PRLR: variants seen among roughly 807,000 people sequenced by gnomAD.
The protein encoded by PRLR is hPRL receptor.
A neutral mutation model predicts 40.2 loss-of-function variants in PRLR; 13 were observed. The ratio of observed to expected loss-of-function variants is 0.32; its 90% confidence interval spans 0.21 to 0.51. The LOEUF is 0.51. Among genes scored for constraint, PRLR ranks in the 20% least tolerant of loss-of-function variants. The probability of loss-of-function intolerance (pLI) is 0.97; values close to 1 mark genes in which losing one functional copy is unlikely to be tolerated. For synonymous variants in PRLR, 269 were observed against 278.7 expected (o/e 0.97, Z 0.35); for missense variants, 656 against 747.3 (o/e 0.88, Z 1.42).
At position 35,058,688 on chromosome 5, in the gene PRLR, A is replaced by G. The variant is rs939004026; in HGVS notation, c.*6401T>C. On this transcript the variant is annotated 3_prime_UTR_variant, in exon 10 of 10. Coordinates refer to ENST00000618457, the MANE Select transcript of PRLR (RefSeq NM_000949.7). Reference sequence around the variant, plus strand: ...CATATGGATAAATTGTAAGTTATTAAGTAATGATTTTCATTTGTATTACAT... The same window carrying G: ...CATATGGATAAATTGTAAGTTATTAGGTAATGATTTTCATTTGTATTACAT... 4 of 152,236 alleles carry G rather than the reference A, an allele frequency of 2.6e-5. No individual in the cohort carries two copies. Among genetic ancestry groups the G allele is most frequent in the Non-Finnish European group, 4.4e-5 (3 of 68,036 alleles). 9.4% of individuals were successfully genotyped at this position (152,236 alleles called of 1,614,324 possible).
intron 2 of PRLR, among the ~76,000 whole-genome samples, chr5:35,094,921 T>A (rs1382967742): frequency 6.7e-6 from 1 of 148,828 alleles, no homozygotes; most frequent in Non-Finnish European, 1.5e-5. Context: ...TGGACCTCCC[T>A]GGGTCAGGTG....
chr5:35,071,511 T>A (rs1769743818), intron 6 of PRLR, among the ~76,000 whole-genome samples: 1 of 152,264 alleles, frequency 6.6e-6, no homozygotes, highest in Non-Finnish European at 1.5e-5. Context: ...AAAAGAGGCA[T>A]ATACTAAAGT....
intron 3 of PRLR, among the ~76,000 whole-genome samples, chr5:35,088,269 T>C (rs1378942771): frequency 3.3e-5 from 5 of 152,224 alleles, no homozygotes; most frequent in Non-Finnish European, 7.3e-5. Flanking sequence ...ATTTGTAACA[T>C]TGCTCATCCT....
intron 1 of PRLR, among the ~76,000 whole-genome samples, chr5:35,217,456 A>T (rs1417955619): frequency 1.3e-5 from 2 of 152,188 alleles, no homozygotes; most frequent in Non-Finnish European, 2.9e-5. Context: ...GCCACATTAA[A>T]TATACACTTG....
rs140622433 is a variant in PRLR at position 35,050,250 on chromosome 5, G to A, written c.1010-842C>T. Among the ~76,000 whole-genome samples, 578 of 152,236 alleles carry A rather than the reference G, an allele frequency of 3.8e-3. 1 individual carries two copies. The highest frequency in any genetic ancestry group is 0.013 in the African/African-American group (554 of 41,520). ...GTTCTTTTGAACTCTGAGGAATTAC[G>A]TGATGTCCACAAAATCTGAAAACTG... On this transcript the variant is annotated intron_variant, in intron 8 of 8. Coordinates refer to the PRLR transcript ENST00000231423.
intron 1 of PRLR, among the ~76,000 whole-genome samples, chr5:35,164,503 C>T (rs1774765440): frequency 6.6e-6 from 1 of 151,984 alleles, no homozygotes; most frequent in Non-Finnish European, 1.5e-5. Context: ...AGTCTCAAAT[C>T]GAGAAAGCAC....
intron 1 of PRLR, among the ~76,000 whole-genome samples, chr5:35,151,048 G>T (rs1367506143): frequency 1.4e-4 from 21 of 152,150 alleles, no homozygotes. Context: ...TTCACCACGA[G>T]GCAATATCTC....
intron 1 of PRLR, among the ~76,000 whole-genome samples, chr5:35,170,438 T>C (rs1774966811): frequency 6.6e-6 from 1 of 152,226 alleles, no homozygotes; most frequent in Non-Finnish European, 1.5e-5. Context: ...GAGGATAGCT[T>C]GAGCCCAGGA....
intron 1 of PRLR, among the ~76,000 whole-genome samples, chr5:35,225,119 A>C (rs1394475173): frequency 6.6e-6 from 1 of 152,242 alleles, no homozygotes; most frequent in Non-Finnish European, 1.5e-5. Flanking sequence ...CAAAGTGCCC[A>C]AAACTACAAA....
chr5:35,052,751 A>C (rs1479050485), downstream of PRLR, among the ~76,000 whole-genome samples: 1 of 152,210 alleles, frequency 6.6e-6, no homozygotes, highest in East Asian at 1.9e-4. Flanking sequence ...CCATACCCAG[A>C]AGGAAGGAAT....
At chr5:35,224,047 C>A (rs1776488716) in intron 1 of PRLR, among the ~76,000 whole-genome samples, 1 of 152,200 alleles carries the variant, frequency 6.6e-6, no homozygotes, top group African/African-American at 2.4e-5. Context: ...TTGCCAAATA[C>A]AAGAGGCCTG....
Position 35,216,815 on chromosome 5 carries a change from G to C in PRLR, c.-106+13453C>G, listed in dbSNP as rs144856904. On this transcript the variant is annotated intron_variant, in intron 1 of 9. Transcript: ENST00000618457. ...GTTTCAAAAGTTTAACCCACTTATT[G>C]AACATTCCAATTCCAAAGACACTGT... Among the ~76,000 whole-genome samples, 86 of 152,292 alleles carry C rather than the reference G, an allele frequency of 5.6e-4. 1 individual carries two copies. The highest frequency in any genetic ancestry group is 1.9e-3 in the African/African-American group (81 of 41,556).
chr5:35,149,994 G>A (rs1029202334), intron 1 of PRLR, among the ~76,000 whole-genome samples: 46 of 152,206 alleles, frequency 3.0e-4, no homozygotes, highest in African/African-American at 8.4e-4. Flanking sequence ...AAGTACAGGC[G>A]TGAGCCAGTG....
intron 8 of PRLR, among the ~76,000 whole-genome samples, chr5:35,050,090 CG>C (rs1266380257): frequency 2.0e-5 from 3 of 152,016 alleles, no homozygotes; most frequent in Non-Finnish European, 1.5e-5. Flanking sequence ...TTAATAGAGA[CG>C]GGGTTTCTCC....
At chr5:35,113,480 T>A in intron 2 of PRLR, among the ~76,000 whole-genome samples, 1 of 137,368 alleles carries the variant, frequency 7.3e-6, no homozygotes, top group Non-Finnish European at 1.6e-5. Flanking sequence ...CATCCATCCA[T>A]CCATCCATCC....
chr5:35,157,330 T>G (rs1774539245), intron 1 of PRLR, among the ~76,000 whole-genome samples: 1 of 152,170 alleles, frequency 6.6e-6, no homozygotes, highest in Non-Finnish European at 1.5e-5. Flanking sequence ...CTTGACTTCC[T>G]ATGGAAGGCC....
chr5:35,051,912 A>G (rs1324492751), downstream of PRLR, among the ~76,000 whole-genome samples: 2 of 152,214 alleles, frequency 1.3e-5, no homozygotes, highest in Non-Finnish European at 2.9e-5. Flanking sequence ...TAGCAATATC[A>G]GTATCAGAAA....
At position 35,178,827 on chromosome 5, in the gene PRLR, G is replaced by A. The variant is rs977448335; in HGVS notation, c.-106+51441C>T. ...TTAAGTAAAAATTTAACAAAAAAGT[G>A]CAAATATAATCCAGTCCTGGAAATT... is the stretch of plus-strand genomic sequence containing the variant. On this transcript the variant is annotated intron_variant, in intron 1 of 9. Coordinates refer to ENST00000618457, the MANE Select transcript of PRLR (RefSeq NM_000949.7). Among the ~76,000 whole-genome samples the A allele has an allele frequency of 4.6e-5, 7 of 152,214 alleles. No homozygotes were observed. In the East Asian group the frequency reaches 1.4e-3, roughly 29 times the overall value.
chr5:35,058,455 A>C lies in PRLR; in HGVS notation c.*6634T>G, dbSNP rs1768843254. ...TTGAGAAGTGTCAGCAGTCACATGAAACAAAGCCGAGAGGCTGACTTTCAA... is the reference window on the plus strand; with the variant it reads ...TTGAGAAGTGTCAGCAGTCACATGACACAAAGCCGAGAGGCTGACTTTCAA... On this transcript the variant is annotated 3_prime_UTR_variant, in exon 10 of 10. Coordinates refer to ENST00000618457, the MANE Select transcript of PRLR (RefSeq NM_000949.7). The C allele has an allele frequency of 6.6e-6, 1 of 152,242 alleles. No individual in the cohort carries two copies. The highest frequency in any genetic ancestry group is 1.5e-5 in the Non-Finnish European group (1 of 68,046). The allele number at this position is 152,242 out of a possible 1,614,324, so 9.4% of individuals were successfully genotyped here.
Sources: gnomAD v4.1 joint callset for allele counts (sites outside exome capture counted in the v4.1 genomes callset) on GRCh38, gnomAD v4.1.1 for gene constraint, MANE v1.5 for transcripts, NCBI Gene and HGNC (gene_info 2026-07-23, HGNC 2026-07-21) for gene names.